MACROD2: variants seen among roughly 807,000 people sequenced by gnomAD.
MACROD2 encodes the protein ADP-ribose glycohydrolase MACROD2.
MACROD2 carries 36 observed loss-of-function variants against 70.4 expected under a neutral mutation model. That is an observed-to-expected ratio of 0.51 (90% CI 0.39 to 0.68). The LOEUF (loss-of-function observed/expected upper bound fraction) is 0.68. Ranked by LOEUF, MACROD2 falls within the 30% of genes least tolerant of loss-of-function variation. The pLI, the probability that MACROD2 is intolerant of heterozygous loss-of-function variation, is 0.00. For missense variants in MACROD2, 496 were observed against 538.4 expected, an observed-to-expected ratio of 0.92 and a Z score of 0.78; for synonymous variants, 172 against 178.8, an observed-to-expected ratio of 0.96 and a Z score of 0.30.
At chr20:14,595,243 G>T (rs951357858) in intron 4 of MACROD2, among the ~76,000 whole-genome samples, 1 of 152,080 alleles carries the variant, frequency 6.6e-6, no homozygotes, top group Non-Finnish European at 1.5e-5. Context: ...GAAAAATTAG[G>T]CGTGCAGACA....
intron 8 of MACROD2, among the ~76,000 whole-genome samples, chr20:15,535,623 A>G (rs1568875142): frequency 2.6e-5 from 4 of 152,188 alleles, no homozygotes; most frequent in Admixed American, 1.3e-4. Flanking sequence ...AAGAATCCTT[A>G]AACAGAAGAG....
intron 5 of MACROD2, among the ~76,000 whole-genome samples, chr20:14,734,413 A>G (rs1312292629): frequency 6.6e-6 from 1 of 151,618 alleles, no homozygotes; most frequent in African/African-American, 2.4e-5. Flanking sequence ...AGGCAGGAAA[A>G]TGGAGTGAAC....
intron 8 of MACROD2, among the ~76,000 whole-genome samples, chr20:15,785,101 G>A (rs1183785944): frequency 1.3e-5 from 2 of 149,122 alleles, no homozygotes; most frequent in Non-Finnish European, 3.0e-5. Flanking sequence ...GCGGTGAGCC[G>A]AGTTGGCGCC....
chr20:15,117,063 C>A (rs1214349549), intron 5 of MACROD2, among the ~76,000 whole-genome samples: 1 of 152,028 alleles, frequency 6.6e-6, no homozygotes, highest in Non-Finnish European at 1.5e-5. Context: ...CTAAGAATGA[C>A]CATGCTAAAA....
chr20:15,503,762 A>G (rs1330001091), intron 8 of MACROD2, among the ~76,000 whole-genome samples: 2 of 152,184 alleles, frequency 1.3e-5, no homozygotes, highest in Admixed American at 6.5e-5. Flanking sequence ...TCATGGGTCA[A>G]TCAGCCCTGC....
intron 5 of MACROD2, among the ~76,000 whole-genome samples, chr20:14,730,759 C>G (rs996715863): frequency 5.3e-5 from 8 of 151,596 alleles, no homozygotes; most frequent in Non-Finnish European, 5.9e-5. Context: ...TAATAGCATC[C>G]GTTCATAAGA....
In MACROD2 at chr20:14,296,915, A is replaced by C. The variant is rs772026063; in HGVS notation, c.272-196564A>C. On this transcript the variant is annotated intron_variant, in intron 3 of 17. Transcript: ENST00000684519. ...GGCTGATGGCAACCCTGCATCAAGT[A>C]AGTCTATTGGTGCCATTTTCTGAAC... 3.9e-5 allele frequency among the ~76,000 whole-genome samples: 6 copies of C among 151,976 alleles called. 1 individual carries two copies. The highest frequency in any genetic ancestry group is 8.8e-5 in the Non-Finnish European group (6 of 68,022).
intron 6 of MACROD2, among the ~76,000 whole-genome samples, chr20:15,301,684 A>T (rs1255959452): frequency 7.1e-6 from 1 of 140,872 alleles, no homozygotes; most frequent in Admixed American, 7.9e-5. Flanking sequence ...CTCCTGCCTC[A>T]GCCTCTGAAA....
intron 5 of MACROD2, among the ~76,000 whole-genome samples, chr20:15,200,197 A>T (rs1237375707): frequency 6.6e-6 from 1 of 152,182 alleles, no homozygotes; most frequent in Non-Finnish European, 1.5e-5. Flanking sequence ...TGGAGTAAAA[A>T]ACTTGAGGTT....
chr20:15,970,568 G>A (rs2066215024), intron 13 of MACROD2, among the ~76,000 whole-genome samples: 1 of 152,100 alleles, frequency 6.6e-6, no homozygotes, highest in African/African-American at 2.4e-5. Flanking sequence ...TTTCCAGGCT[G>A]TGGTACAGAG....
chr20:14,927,095 G>T (rs2122659380), intron 5 of MACROD2, among the ~76,000 whole-genome samples: 1 of 152,160 alleles, frequency 6.6e-6, no homozygotes, highest in African/African-American at 2.4e-5. Context: ...GTATAATCTT[G>T]CCTTCTCCTG....
chr20:14,886,367 G>A (rs2073675855), intron 5 of MACROD2, among the ~76,000 whole-genome samples: 1 of 152,192 alleles, frequency 6.6e-6, no homozygotes, highest in Non-Finnish European at 1.5e-5. Context: ...GGTCAGATAG[G>A]TGATGGAGCC....
At chr20:14,793,659 C>T (rs1405378355) in intron 5 of MACROD2, among the ~76,000 whole-genome samples, 2 of 152,050 alleles carry the variant, frequency 1.3e-5, no homozygotes, top group African/African-American at 2.4e-5. Flanking sequence ...AATTAAAAGA[C>T]ATTCGCGTTA....
At chr20:15,600,332 T>C (rs1047998021) in intron 8 of MACROD2, among the ~76,000 whole-genome samples, 1 of 152,210 alleles carries the variant, frequency 6.6e-6, no homozygotes, top group African/African-American at 2.4e-5. Context: ...TCATTCATTT[T>C]TGCTGTTGTT....
chr20:15,607,242 T>C lies in MACROD2; in HGVS notation c.645+107395T>C, dbSNP rs543869733. ...TGTGAATTTGTAGCTGAGTTGAAAC[T>C]AGGGCCCAGATATCCCCATTGCCTT... On this transcript the variant is annotated intron_variant, in intron 8 of 17. Transcript: ENST00000684519. Among the ~76,000 whole-genome samples, 78 of 152,298 alleles carry C rather than the reference T, an allele frequency of 5.1e-4. No homozygotes were observed. In the South Asian group the frequency reaches 0.016, roughly 31 times the overall value.
At chr20:15,666,031 A>C (rs553325550) in intron 8 of MACROD2, among the ~76,000 whole-genome samples, 1 of 152,320 alleles carries the variant, frequency 6.6e-6, no homozygotes, top group South Asian at 2.1e-4. Flanking sequence ...GTATAAAGAT[A>C]AATGGAAAAT....
At chr20:14,079,007 T>C (rs1481625891) in intron 2 of MACROD2, among the ~76,000 whole-genome samples, 2 of 152,232 alleles carry the variant, frequency 1.3e-5, no homozygotes, top group African/African-American at 4.8e-5. Context: ...AACTATTATT[T>C]AAATATTTAA....
At chr20:14,662,907 T>C (rs971456738) in intron 4 of MACROD2, among the ~76,000 whole-genome samples, 2 of 151,232 alleles carry the variant, frequency 1.3e-5, no homozygotes, top group African/African-American at 2.4e-5. Flanking sequence ...TTTTAACCAT[T>C]GTGGAAGATG....
chr20:15,154,050 A>C (rs574615116), intron 5 of MACROD2, among the ~76,000 whole-genome samples: 2 of 152,192 alleles, frequency 1.3e-5, no homozygotes, highest in African/African-American at 4.8e-5. Flanking sequence ...TCAATAGACT[A>C]TCCCCTACCT....
Sources: allele counts gnomAD v4.1 joint callset (sites outside exome capture counted in the v4.1 genomes callset), GRCh38; gene constraint gnomAD v4.1.1; transcripts MANE v1.5; gene names NCBI Gene and HGNC (gene_info 2026-07-23, HGNC 2026-07-21).